Variants in ZFHX2 observed in about 807,000 individuals in gnomAD.
The protein encoded by ZFHX2 is zinc finger homeobox 2.
In ZFHX2, 75 loss-of-function variants were observed where a neutral mutation model predicts 164.8. That is an observed-to-expected ratio of 0.46 (90% CI 0.38 to 0.55). ZFHX2 has a LOEUF of 0.55. Among genes scored for constraint, ZFHX2 ranks in the 20% least tolerant of loss-of-function variants. The probability of loss-of-function intolerance (pLI) is 0.00; values close to 1 mark genes in which losing one functional copy is unlikely to be tolerated. For missense variants in ZFHX2, 2,933 were observed against 3,308.0 expected (o/e 0.89, Z 2.78); for synonymous variants, 1,217 against 1,351.4 (o/e 0.90, Z 2.18).
chr14:23,527,858 C>T (rs1264632310), intron 6 of ZFHX2, 54 bp from the exon 7 acceptor site: 1 of 1,466,730 alleles, frequency 6.8e-7, no homozygotes, highest in Non-Finnish European at 9.2e-7. Flanking sequence ...TGGGACCCAC[C>T]ATCACATAGT....
intron 4 of ZFHX2, chr14:23,530,442 A>G (rs775975374): frequency 4.5e-6 from 3 of 669,366 alleles, no homozygotes; most frequent in Admixed American, 2.0e-5. Context: ...CTGTCCTTTT[A>G]TAGAAGTCCA....
chr14:23,541,031 C>T (rs768766503), intron 1 of ZFHX2, among the ~76,000 whole-genome samples: 3 of 152,034 alleles, frequency 2.0e-5, no homozygotes, highest in Non-Finnish European at 2.9e-5. Context: ...CATAGCCTCC[C>T]GAGTAGCTGG....
At position 23,546,702 on chromosome 14, in the gene ZFHX2, T is replaced by C. The variant is rs1881422974; in HGVS notation, c.-50+4641A>G. On this transcript the variant is annotated intron_variant, in intron 1 of 9. Transcript: ENST00000419474. This position sits in a 1 kb window ranked among gnomAD's most constrained non-coding sequence, Gnocchi z 4.7. ...AAAGTGGGTGGTGGGCTGACCGAGCTTAGTGTGAGGAGCTCGAGAAGAAAG... is the reference window on the plus strand; with the variant it reads ...AAAGTGGGTGGTGGGCTGACCGAGCCTAGTGTGAGGAGCTCGAGAAGAAAG... Among the ~76,000 whole-genome samples the C allele has an allele frequency of 6.6e-6, 1 of 152,120 alleles. No homozygotes were observed. Among genetic ancestry groups the C allele is most frequent in the South Asian group, 2.1e-4 (1 of 4,824 alleles).
chr14:23,549,653 G>C (rs1404641883), intron 1 of ZFHX2, among the ~76,000 whole-genome samples: 1 of 152,184 alleles, frequency 6.6e-6, no homozygotes, highest in Non-Finnish European at 1.5e-5. Context: ...TGAAGGATGG[G>C]GGGCAACCAG....
chr14:23,530,020 G>C, intron 5 of ZFHX2, 100 bp downstream of exon 5: 2 of 1,227,352 alleles, frequency 1.6e-6, no homozygotes, highest in Middle Eastern at 2.0e-4. Context: ...AATCAGTTTT[G>C]CTCCTTGAGC....
chr14:23,555,186 G>T (rs186458598), upstream of ZFHX2, among the ~76,000 whole-genome samples: 45 of 151,950 alleles, frequency 3.0e-4, no homozygotes, highest in Non-Finnish European at 5.6e-4. Flanking sequence ...CGGCGGGCCG[G>T]GGGGGTTTCT....
Position 23,534,468 on chromosome 14 carries a change from C to T in ZFHX2, c.858G>A (p.Lys286=). The part of the protein sequence containing the change: ...AVLQEGDEGC[K]ALISFLEPKL... ...TTGGCTCCAGAAAGCTTATGAGGGC[C>T]TTGCAGCCTTCATCTCCCTCCTGGA... The change falls in exon 2 of 10, where the codon AAG becomes AAA. Residue 286 remains lysine, a synonymous_variant. Transcript: ENST00000419474. This position sits in a 1 kb window ranked among gnomAD's most constrained non-coding sequence, Gnocchi z 4.5. 1.3e-6 allele frequency: 2 copies of T among 1,536,314 alleles called. No individual in the cohort carries two copies. The highest frequency in any genetic ancestry group is 1.2e-5 in the South Asian group (1 of 84,056).
In ZFHX2 at chr14:23,525,419, G is replaced by A; in HGVS notation, c.4523C>T (p.Pro1508Leu). The A allele has an allele frequency of 6.5e-7, 1 of 1,536,150 alleles. No homozygotes were observed. The highest frequency in any genetic ancestry group is 8.7e-7 in the Non-Finnish European group (1 of 1,146,926). ...AGCATAACGGCTCAGGGCTTCAAAG[G>A]GCAGAAAGCGGCGGTGGACATGTTC... ...HEEHVHRRFL[P>L]FEALSRYAAQ... Residue 1508 changes from proline (P) to leucine (L), a missense_variant, in exon 9 of 10, where the codon CCC (proline) becomes CTC (leucine). Transcript: ENST00000419474. The surrounding 1 kb of genome is among the most constrained non-coding windows in gnomAD (Gnocchi z 5.9).
At chr14:23,543,771 A>C (rs756188029) in intron 1 of ZFHX2, 1 of 152,176 alleles carries the variant, frequency 6.6e-6, no homozygotes, top group African/African-American at 2.4e-5. Context: ...AGGTCTACAC[A>C]TGTGTATCCA....
At chr14:23,547,838 G>T (rs1881547428) in intron 1 of ZFHX2, among the ~76,000 whole-genome samples, 1 of 152,156 alleles carries the variant, frequency 6.6e-6, no homozygotes, top group Non-Finnish European at 1.5e-5. Context: ...CAGACACTGT[G>T]CTAGGTGCTG....
At chr14:23,549,650 T>TG (rs1449814289) in intron 1 of ZFHX2, among the ~76,000 whole-genome samples, 3 of 152,170 alleles carry the variant, frequency 2.0e-5, no homozygotes, top group East Asian at 1.9e-4. Context: ...AACTGAAGGA[T>TG]GGGGGGCAAC....
rs1877968468 is a variant in ZFHX2 at position 23,521,409 on chromosome 14, C to G, written c.*553G>C. 1 of 152,882 alleles carries G rather than the reference C, an allele frequency of 6.5e-6. No homozygotes were observed. Among genetic ancestry groups the G allele is most frequent in the Admixed American group, 6.5e-5 (1 of 15,386 alleles). 9.5% of individuals were successfully genotyped at this position (152,882 alleles called of 1,614,324 possible). ...AAGAGTTTGTGAGCGGTGTGGTGCTCTAGACAAAGGGTTAGGAAGGAGAAG... is the reference window on the plus strand; with the variant it reads ...AAGAGTTTGTGAGCGGTGTGGTGCTGTAGACAAAGGGTTAGGAAGGAGAAG... On this transcript the variant is annotated 3_prime_UTR_variant, in exon 10 of 10. Transcript: ENST00000419474.
At chr14:23,552,474 G>A (rs1474196462), upstream of ZFHX2, among the ~76,000 whole-genome samples, 2 of 151,966 alleles carry the variant, frequency 1.3e-5, no homozygotes, top group Non-Finnish European at 2.9e-5. Flanking sequence ...TGTATTTTTA[G>A]TAGAGACGGG....
At position 23,525,260 on chromosome 14, in the gene ZFHX2, C is replaced by A; in HGVS notation, c.4682G>T (p.Gly1561Val). 6.5e-7 allele frequency: 1 copy of A among 1,536,064 alleles called. No homozygotes were observed. The highest frequency in any genetic ancestry group is 1.2e-5 in the South Asian group (1 of 84,054). ...PFLVPEPEAGGTRAPEERSRA... is the reference protein window; with the variant it reads ...PFLVPEPEAGVTRAPEERSRA... ...ACTTCGCTCTTCAGGGGCACGGGTC[C>A]CCCCTGCCTCAGGCTCTGGGACCAG... The change falls in exon 9 of 10, where the codon GGG (glycine) becomes GTG (valine). Residue 1561 changes from glycine to valine, a missense_variant. Physicochemically the swap from Gly to Val is moderately radical, Grantham distance 109 (BLOSUM62 -3). Coordinates refer to ENST00000419474, the MANE Select transcript of ZFHX2 (RefSeq NM_033400.3). This position sits in a 1 kb window ranked among gnomAD's most constrained non-coding sequence, Gnocchi z 5.9.
rs1158788110 is a variant in ZFHX2, at chr14:23,535,536, C to T, written c.-49-162G>A. On this transcript the variant is annotated intron_variant, in intron 1 of 9. Coordinates refer to ENST00000419474, the MANE Select transcript of ZFHX2 (RefSeq NM_033400.3). The surrounding 1 kb of genome is among the most constrained non-coding windows in gnomAD (Gnocchi z 4.5). ...ACTTAGTGTCTAACATGCTTCAAAA[C>T]TTAATATGTCCAACATCAGAACTCT... 1.3e-5 allele frequency among the ~76,000 whole-genome samples: 2 copies of T among 152,166 alleles called. No homozygotes were observed. The highest frequency in any genetic ancestry group is 6.5e-5 in the Admixed American group (1 of 15,274).
intron 1 of ZFHX2, among the ~76,000 whole-genome samples, chr14:23,541,366 G>A (rs1880796396): frequency 1.3e-5 from 2 of 149,246 alleles, no homozygotes; most frequent in Non-Finnish European, 3.0e-5. Flanking sequence ...TTGGCTCACT[G>A]CAAACTCCAC....
intron 4 of ZFHX2, 147 bp from the exon 5 acceptor site, chr14:23,530,341 C>T (rs1283260969): frequency 9.9e-6 from 7 of 710,516 alleles, no homozygotes; most frequent in Admixed American, 6.3e-5. Context: ...GAAAAGCCAA[C>T]AAAAAGAAAC....
rs761929311 is a variant in ZFHX2 at position 23,534,679 on chromosome 14, G to A, written c.647C>T (p.Pro216Leu). 1 of 1,536,206 alleles carries A rather than the reference G, an allele frequency of 6.5e-7. No homozygotes were observed. Reference protein sequence around the residue: ...AFWSYQLAPNPPGDPKDGPMG... With the variant: ...AFWSYQLAPNLPGDPKDGPMG... ...GGGGCCATCTTTGGGATCTCCGGGT[G>A]GATTTGGAGCCAGCTGGTAGCTCCA... Residue 216 changes from proline (P) to leucine (L), a missense_variant, in exon 2 of 10, where the codon CCA (proline) becomes CTA (leucine). By Grantham distance (98) the Pro-to-Leu change is moderately conservative. Coordinates refer to ENST00000419474, the MANE Select transcript of ZFHX2 (RefSeq NM_033400.3). The surrounding 1 kb of genome is among the most constrained non-coding windows in gnomAD (Gnocchi z 4.5).
chr14:23,527,053 C>T lies in ZFHX2; in HGVS notation c.3136-80G>A, dbSNP rs979949428. The T allele has an allele frequency of 2.1e-6, 3 of 1,415,892 alleles. No individual in the cohort carries two copies. The South Asian group carries it at 4.8e-5, about 23-fold the overall frequency. The allele number at this position is 1,415,892 out of a possible 1,614,324, so 87.7% of individuals were successfully genotyped here. On this transcript the variant is annotated intron_variant, in intron 7 of 9. Coordinates refer to ENST00000419474, the MANE Select transcript of ZFHX2 (RefSeq NM_033400.3). ...CACTCCTGACCCATCTGCCCTACAC[C>T]TGTACTTGTGCCGAGATCCCTTGCC...
Sources: gnomAD v4.1 joint callset for allele counts (sites outside exome capture counted in the v4.1 genomes callset) on GRCh38, gnomAD v4.1.1 for gene constraint, Gnocchi (gnomAD v3.1) non-coding constraint, MANE v1.5 for transcripts, NCBI Gene and HGNC (gene_info 2026-07-23, HGNC 2026-07-21) for gene names.